Variants in ZNF776 observed in about 807,000 individuals in gnomAD.
ZNF776 encodes zinc finger protein 776.
ZNF776 carries 4 observed loss-of-function variants against 7.0 expected under a neutral mutation model. The ratio of observed to expected loss-of-function variants is 0.57; its 90% confidence interval spans 0.28 to 1.31. ZNF776 has a LOEUF of 1.31. Among genes scored for constraint, ZNF776 ranks in the 50% most tolerant of loss-of-function variants. The pLI, the probability that ZNF776 is intolerant of heterozygous loss-of-function variation, is 0.10. For missense variants in ZNF776, 555 were observed against 625.9 expected (o/e 0.89, Z 1.21); for synonymous variants, 212 against 213.7 (o/e 0.99, Z 0.07).
chr19:57,756,996 C>T lies in ZNF776; in HGVS notation c.*2309C>T. On this transcript the variant is annotated 3_prime_UTR_variant, in exon 3 of 3. Transcript: ENST00000317178. Reference sequence around the variant, plus strand: ...GCCTCCCGAGTACCTGAGATTAGCCCAGGTAATTTAAGAATTTTTTATAGA... The same window carrying T: ...GCCTCCCGAGTACCTGAGATTAGCCTAGGTAATTTAAGAATTTTTTATAGA... 8.5e-6 allele frequency: 3 copies of T among 352,052 alleles called. No homozygotes were observed. 21.8% of individuals were successfully genotyped at this position (352,052 alleles called of 1,614,324 possible).
Position 57,753,274 on chromosome 19 carries a change from C to G in ZNF776, c.161-17C>G, listed in dbSNP as rs1986659285. On this transcript the variant is annotated splice_polypyrimidine_tract_variant and intron_variant, in intron 2 of 2. Coordinates refer to ENST00000317178, the MANE Select transcript of ZNF776 (RefSeq NM_173632.4). ...TCGGAAGTACCTTGCATTTTACCAG[C>G]ATTTTATTTCTTTTAGGTTGTTGGT... The G allele has an allele frequency of 1.3e-6, 2 of 1,596,362 alleles. No homozygotes were observed. The highest frequency in any genetic ancestry group is 1.3e-5 in the African/African-American group (1 of 74,250).
chr19:57,753,374 A>G lies in ZNF776; in HGVS notation c.244A>G (p.Thr82Ala), dbSNP rs1464623505. Residue 82 changes from threonine (T) to alanine (A), a missense_variant, in exon 3 of 3, where the codon ACA becomes GCA. Thr to Ala is a moderately conservative substitution (Grantham distance 58). Transcript: ENST00000317178. ...QQESPLRTHW[T>A]GVCTKKVHLW... ...GGAGTCCCCACTCAGGACACATTGG[A>G]CAGGTGTATGTACCAAGAAGGTCCA... 3.1e-6 allele frequency: 5 copies of G among 1,614,118 alleles called. No homozygotes were observed. Among genetic ancestry groups the G allele is most frequent in the Non-Finnish European group, 4.2e-6 (5 of 1,180,056 alleles).
chr19:57,754,213 C>T lies in ZNF776; in HGVS notation c.1083C>T (p.Cys361=), dbSNP rs907189318. Residue 361 remains cysteine, a synonymous_variant, in exon 3 of 3, where the codon TGC becomes TGT. Coordinates refer to ENST00000317178, the MANE Select transcript of ZNF776 (RefSeq NM_173632.4). Reference sequence around the variant, plus strand: ...GTGGGAAATCGTTTAATCACAAGTGCAACCTCATTCAGCATCAGCGAGTTC... The same window carrying T: ...GTGGGAAATCGTTTAATCACAAGTGTAACCTCATTCAGCATCAGCGAGTTC... ...GECGKSFNHK[C]NLIQHQRVHT... is the part of the protein sequence containing the mutation. 6.2e-7 allele frequency: 1 copy of T among 1,614,028 alleles called. No homozygotes were observed. The highest frequency in any genetic ancestry group is 8.5e-7 in the Non-Finnish European group (1 of 1,179,968).
Position 57,754,327 on chromosome 19 carries a change from T to A in ZNF776, c.1197T>A (p.Thr399=). The change falls in exon 3 of 3, where the codon ACT becomes ACA. Residue 399 remains threonine, a synonymous_variant. Coordinates refer to ENST00000317178, the MANE Select transcript of ZNF776 (RefSeq NM_173632.4). ...SHLKEHQRVH[T]GERPYECKEC... ...TAAAGGAACACCAGAGAGTTCACAC[T>A]GGAGAAAGACCCTATGAGTGTAAAG... 6.2e-7 allele frequency: 1 copy of A among 1,614,126 alleles called. No individual in the cohort carries two copies. Among genetic ancestry groups the A allele is most frequent in the Non-Finnish European group, 8.5e-7 (1 of 1,180,006 alleles).
At position 57,753,532 on chromosome 19, in the gene ZNF776, G is replaced by A. The variant is rs769475706; in HGVS notation, c.402G>A (p.Lys134=). ...DDDANHHQDQ[K]QHIGEKSYRS... is the part of the protein sequence containing the mutation. ...ATGCAAACCATCATCAAGACCAGAA[G>A]CAGCACATTGGAGAGAAATCGTACA... The change falls in exon 3 of 3, where the codon AAG becomes AAA. Residue 134 remains lysine (K), a synonymous_variant. Coordinates refer to ENST00000317178, the MANE Select transcript of ZNF776 (RefSeq NM_173632.4). The A allele has an allele frequency of 1.4e-5, 23 of 1,614,094 alleles. No homozygotes were observed. The highest frequency in any genetic ancestry group is 1.7e-5 in the Non-Finnish European group (20 of 1,180,048).
chr19:57,750,178 C>T (rs1371448338), intron 1 of ZNF776, among the ~76,000 whole-genome samples: 3 of 151,480 alleles, frequency 2.0e-5, no homozygotes, highest in Admixed American at 6.6e-5. Flanking sequence ...AATCCCAGCA[C>T]ATTGGGAGGC....
Position 57,755,625 on chromosome 19 carries a change from G to C in ZNF776, c.*938G>C, listed in dbSNP as rs1322685004. On this transcript the variant is annotated 3_prime_UTR_variant, in exon 3 of 3. Transcript: ENST00000317178. ...TCTTGTCCAGTGTAACTGTGGGAGA[G>C]AGCCCTTATGAGGACACCATCAACC... The C allele has an allele frequency of 1.3e-5, 2 of 152,188 alleles. No homozygotes were observed. The highest frequency in any genetic ancestry group is 2.9e-5 in the Non-Finnish European group (2 of 68,044). The allele number at this position is 152,188 out of a possible 1,614,324, so 9.4% of individuals were successfully genotyped here. A position where few individuals can be genotyped will look rare whatever the true frequency, so the allele number is the denominator to read the frequency against.
intron 1 of ZNF776, among the ~76,000 whole-genome samples, chr19:57,748,851 G>C (rs1986519480): frequency 6.6e-6 from 1 of 152,160 alleles, no homozygotes; most frequent in Non-Finnish European, 1.5e-5. Context: ...ATCAAGATTT[G>C]AGATGACTTT....
In ZNF776 at chr19:57,755,186, T is replaced by C. The variant is rs1440918317; in HGVS notation, c.*499T>C. On this transcript the variant is annotated 3_prime_UTR_variant, in exon 3 of 3. Transcript: ENST00000317178. ...AGAGTTCACACTGGACAAAGCCTTATGAGAGCAGCGAGTAGAAAATCCTTT... is the reference window on the plus strand; with the variant it reads ...AGAGTTCACACTGGACAAAGCCTTACGAGAGCAGCGAGTAGAAAATCCTTT... The C allele has an allele frequency of 6.1e-6, 1 of 162,642 alleles. No homozygotes were observed. Among genetic ancestry groups the C allele is most frequent in the Non-Finnish European group, 1.4e-5 (1 of 73,776 alleles). 10.1% of individuals were successfully genotyped at this position (162,642 alleles called of 1,614,324 possible). A position where few individuals can be genotyped will look rare whatever the true frequency, so the allele number is the denominator to read the frequency against.
At chr19:57,750,106 A>T (rs985051940) in intron 1 of ZNF776, among the ~76,000 whole-genome samples, 5 of 152,126 alleles carry the variant, frequency 3.3e-5, no homozygotes, top group Admixed American at 2.6e-4. Flanking sequence ...GGCCATGGGC[A>T]TGTGTCTGTG....
At position 57,755,303 on chromosome 19, in the gene ZNF776, A is replaced by C. The variant is rs1424534896; in HGVS notation, c.*616A>C. ...CAAATATGGAAAGACATTCACTAGA[A>C]GCTCTGCCCTGCAAGTTCACACTAG... On this transcript the variant is annotated 3_prime_UTR_variant, in exon 3 of 3. Transcript: ENST00000317178. 2 of 152,702 alleles carry C rather than the reference A, an allele frequency of 1.3e-5. No individual in the cohort carries two copies. The highest frequency in any genetic ancestry group is 1.3e-4 in the Admixed American group (2 of 15,350). 9.5% of individuals were successfully genotyped at this position (152,702 alleles called of 1,614,324 possible).
At position 57,747,014 on chromosome 19, in the gene ZNF776, A is replaced by G. The variant is rs1213489006; in HGVS notation, c.-45A>G. On this transcript the variant is annotated 5_prime_UTR_variant, in exon 1 of 3. Coordinates refer to ENST00000317178, the MANE Select transcript of ZNF776 (RefSeq NM_173632.4). ...GGGACCACCGTGCCCGGGTACCTGCACTGCTCGCCCCCTCCTTTCGACCCC... is the reference window on the plus strand; with the variant it reads ...GGGACCACCGTGCCCGGGTACCTGCGCTGCTCGCCCCCTCCTTTCGACCCC... 2.7e-5 allele frequency: 41 copies of G among 1,543,372 alleles called. No homozygotes were observed. The highest frequency in any genetic ancestry group is 3.6e-5 in the Non-Finnish European group (41 of 1,141,016).
chr19:57,755,434 A>T lies in ZNF776; in HGVS notation c.*747A>T, dbSNP rs1035462498. 6.6e-6 allele frequency: 1 copy of T among 152,290 alleles called. No individual in the cohort carries two copies. The highest frequency in any genetic ancestry group is 2.4e-5 in the African/African-American group (1 of 41,478). The allele number at this position is 152,290 out of a possible 1,614,324, so 9.4% of individuals were successfully genotyped here. ...GGATCAAGGCTTTATGGTGTGACAA[A>T]TATGGCACATTCTTTATCTAAATGT... On this transcript the variant is annotated 3_prime_UTR_variant, in exon 3 of 3. Coordinates refer to ENST00000317178, the MANE Select transcript of ZNF776 (RefSeq NM_173632.4).
At chr19:57,752,826 G>A (rs754057879) in intron 2 of ZNF776, among the ~76,000 whole-genome samples, 2 of 152,300 alleles carry the variant, frequency 1.3e-5, no homozygotes, top group South Asian at 2.1e-4. Context: ...ATTAGGAAGT[G>A]TGTACACATT....
Position 57,746,911 on chromosome 19 carries a change from G to A in ZNF776, c.-148G>A, listed in dbSNP as rs1285525910. The A allele has an allele frequency of 2.8e-6, 2 of 709,976 alleles. No homozygotes were observed. Among genetic ancestry groups the A allele is most frequent in the Non-Finnish European group, 4.5e-6 (2 of 440,836 alleles). 44.0% of individuals were successfully genotyped at this position (709,976 alleles called of 1,614,324 possible). On this transcript the variant is annotated 5_prime_UTR_variant, in exon 1 of 3. Coordinates refer to ENST00000317178, the MANE Select transcript of ZNF776 (RefSeq NM_173632.4). The stretch of plus-strand genomic sequence containing the variant: ...GACTGAACCCAGAAGGTGGAGACGA[G>A]ACGTTGTCCCGACTGCACAGAGGCT...
Position 57,754,161 on chromosome 19 carries a change from G to C in ZNF776, c.1031G>C (p.Gly344Ala). 6.2e-7 allele frequency: 1 copy of C among 1,614,154 alleles called. No homozygotes were observed. The highest frequency in any genetic ancestry group is 8.5e-7 in the Non-Finnish European group (1 of 1,179,994). Residue 344 changes from glycine to alanine, a missense_variant, in exon 3 of 3, where the codon GGA (glycine) becomes GCA (alanine). Coordinates refer to ENST00000317178, the MANE Select transcript of ZNF776 (RefSeq NM_173632.4). ...SLVHHQRVHT[G>A]ERPYQCGECG... is the part of the protein sequence containing the mutation. ...GTTCACCACCAGCGAGTTCACACTG[G>C]AGAAAGACCTTATCAGTGTGGAGAA...
intron 1 of ZNF776, among the ~76,000 whole-genome samples, chr19:57,747,424 G>GGACGCTGTCA (rs1986468783): frequency 6.6e-6 from 1 of 152,174 alleles, no homozygotes; most frequent in Admixed American, 6.5e-5. Flanking sequence ...AACGCTGGAA[G>GGACGCTGTCA]CCATGGACAG....
Position 57,754,599 on chromosome 19 carries a change from G to A in ZNF776, c.1469G>A (p.Cys490Tyr). 3.7e-6 allele frequency: 6 copies of A among 1,614,112 alleles called. No homozygotes were observed. The highest frequency in any genetic ancestry group is 5.1e-6 in the Non-Finnish European group (6 of 1,180,008). ...CACTCTGGAGAAAGGCCACATGAGTGTGGAGAATGTGGAAAGTGTTTTCGT... is the reference window on the plus strand; with the variant it reads ...CACTCTGGAGAAAGGCCACATGAGTATGGAGAATGTGGAAAGTGTTTTCGT... ...QIHSGERPHE[C>Y]GECGKCFRQK... is the part of the protein sequence containing the mutation. Residue 490 changes from cysteine (C) to tyrosine (Y), a missense_variant, in exon 3 of 3, where the codon TGT becomes TAT. Physicochemically the swap from Cys to Tyr is radical, Grantham distance 194. Coordinates refer to ENST00000317178, the MANE Select transcript of ZNF776 (RefSeq NM_173632.4).
intron 2 of ZNF776, among the ~76,000 whole-genome samples, chr19:57,751,462 A>G (rs903122870): frequency 5.3e-5 from 8 of 151,900 alleles, no homozygotes; most frequent in Admixed American, 5.2e-4. Context: ...CCCAGGCTCA[A>G]GCAATCCTCC....
Sources: allele counts gnomAD v4.1 joint callset (sites outside exome capture counted in the v4.1 genomes callset), GRCh38; gene constraint gnomAD v4.1.1; transcripts MANE v1.5; gene names NCBI Gene and HGNC (gene_info 2026-07-23, HGNC 2026-07-21).